The following NR1H4 variants were observed in gnomAD, a reference collection of about 807,000 sequenced individuals.
NR1H4 encodes the protein bile acid receptor.
A neutral mutation model predicts 58.5 loss-of-function variants in NR1H4; 23 were observed. The observed-to-expected ratio is 0.39, with a 90% CI of 0.28 to 0.56. The LOEUF (loss-of-function observed/expected upper bound fraction) is 0.56. Among genes scored for constraint, NR1H4 ranks in the 20% least tolerant of loss-of-function variants. The pLI, the probability that NR1H4 is intolerant of heterozygous loss-of-function variation, is 0.58. For missense variants in NR1H4, 487 were observed against 576.9 expected (o/e 0.84, Z 1.60); for synonymous variants, 214 against 198.0 (o/e 1.08, Z -0.68).
rs767756243 is a variant in NR1H4, at chr12:100,534,887, T to C, written c.599-3T>C. ...GTGAAGTCTCTATGCTTATTTGTTT[T>C]AGGCTTGTTAACTGAAATTCAGTGT... On this transcript the variant is annotated splice_region_variant and splice_polypyrimidine_tract_variant and intron_variant, in intron 5 of 10. Transcript: ENST00000392986. 1.2e-6 allele frequency: 2 copies of C among 1,614,210 alleles called. No individual in the cohort carries two copies. Among genetic ancestry groups the C allele is most frequent in the Admixed American group, 3.3e-5 (2 of 60,030 alleles).
chr12:100,487,072 G>A (rs1174302167), intron 1 of NR1H4, among the ~76,000 whole-genome samples: 1 of 152,248 alleles, frequency 6.6e-6, no homozygotes, highest in South Asian at 2.1e-4. Flanking sequence ...AGCCAATATA[G>A]ATGTAAAGAA....
intron 9 of NR1H4, among the ~76,000 whole-genome samples, chr12:100,560,277 C>T (rs180944705): frequency 2.6e-5 from 4 of 152,192 alleles, no homozygotes; most frequent in Admixed American, 6.5e-5. Flanking sequence ...GCAGGCTGCC[C>T]GAGCCCGCAT....
intron 8 of NR1H4, among the ~76,000 whole-genome samples, chr12:100,537,773 G>C (rs1232211765): frequency 6.6e-6 from 1 of 152,210 alleles, no homozygotes; most frequent in Non-Finnish European, 1.5e-5. Context: ...GAGTGCAATG[G>C]CATGATCTTG....
chr12:100,490,917 A>T (rs1276360866), intron 1 of NR1H4, among the ~76,000 whole-genome samples: 2 of 152,094 alleles, frequency 1.3e-5, no homozygotes, highest in African/African-American at 4.8e-5. Flanking sequence ...CAACTTCCCA[A>T]GTAGCTTGGC....
chr12:100,510,667 A>T, intron 3 of NR1H4, 111 bp from the exon 4 acceptor site: 2 of 887,988 alleles, frequency 2.3e-6, no homozygotes, highest in Non-Finnish European at 1.8e-6. Flanking sequence ...TTATGTAGTT[A>T]AATGTTTCAA....
chr12:100,521,832 ATTTTATACAATTT>A (rs1395192002), intron 4 of NR1H4, among the ~76,000 whole-genome samples: 1 of 152,186 alleles, frequency 6.6e-6, no homozygotes, highest in Non-Finnish European at 1.5e-5. Flanking sequence ...GCAAGGTCTG[ATTTTATACAATTT>A]AATAATGATC....
At chr12:100,506,008 C>G (rs1840880626) in intron 3 of NR1H4, among the ~76,000 whole-genome samples, 2 of 140,262 alleles carry the variant, frequency 1.4e-5, no homozygotes, top group Non-Finnish European at 3.0e-5. Context: ...TTATAACACA[C>G]ACACACACAC....
chr12:100,562,104 A>T (rs1289639504), intron 10 of NR1H4, 106 bp downstream of exon 10: 1 of 663,278 alleles, frequency 1.5e-6, no homozygotes, highest in Non-Finnish European at 2.7e-6. Flanking sequence ...AAGAAAAAGT[A>T]AAGTAGCCTA....
At chr12:100,506,034 CACACACACAGAG>C (rs143923909) in intron 3 of NR1H4, among the ~76,000 whole-genome samples, 3,184 of 140,510 alleles carry the variant, frequency 0.023, 105 homozygotes, top group East Asian at 0.13. Context: ...CACACACACA[CACACACACAGAG>C]AGAGAGAGAG....
intron 4 of NR1H4, among the ~76,000 whole-genome samples, chr12:100,529,522 C>T (rs1272490332): frequency 6.6e-6 from 1 of 152,142 alleles, no homozygotes; most frequent in Non-Finnish European, 1.5e-5. Flanking sequence ...CATTCTGTTC[C>T]TGTTACAACT....
At chr12:100,550,637 A>T (rs529202959) in intron 9 of NR1H4, among the ~76,000 whole-genome samples, 1 of 151,274 alleles carries the variant, frequency 6.6e-6, no homozygotes, top group South Asian at 2.1e-4. Flanking sequence ...AAGTGCTGGG[A>T]TTACAGGTGT....
Position 100,473,924 on chromosome 12 carries a change from T to C in NR1H4, c.-325T>C, listed in dbSNP as rs1953215201. ...GAACTCTCTCCTCCTCCTCACCTCATTGTCTCCCCGACTTATCCTAATGCG... is the reference window on the plus strand; with the variant it reads ...GAACTCTCTCCTCCTCCTCACCTCACTGTCTCCCCGACTTATCCTAATGCG... On this transcript the variant is annotated 5_prime_UTR_variant, in exon 1 of 11. Transcript: ENST00000392986. 1.3e-5 allele frequency: 2 copies of C among 152,258 alleles called. No individual in the cohort carries two copies. The highest frequency in any genetic ancestry group is 2.1e-4 in the South Asian group (1 of 4,826). 9.4% of individuals were successfully genotyped at this position (152,258 alleles called of 1,614,324 possible).
At chr12:100,475,551 A>G (rs531307893) in intron 1 of NR1H4, among the ~76,000 whole-genome samples, 105 of 152,238 alleles carry the variant, frequency 6.9e-4, no homozygotes, top group African/African-American at 2.3e-3. Context: ...GATTGGGCCA[A>G]TTGCAATGGA....
chr12:100,561,605 G>T (rs556279709), intron 9 of NR1H4, among the ~76,000 whole-genome samples: 5 of 152,286 alleles, frequency 3.3e-5, no homozygotes, highest in African/African-American at 1.2e-4. Context: ...CAATTCAAGA[G>T]CATTATCATT....
chr12:100,534,149 T>A (rs112270443), intron 5 of NR1H4, among the ~76,000 whole-genome samples: 12,415 of 152,226 alleles, frequency 0.082, 1,282 homozygotes, highest in African/African-American at 0.24. Context: ...CGCCTCGGCC[T>A]CCCAAAGTGC....
chr12:100,538,928 T>C (rs996319775), intron 8 of NR1H4, among the ~76,000 whole-genome samples: 1 of 152,094 alleles, frequency 6.6e-6, no homozygotes, highest in African/African-American at 2.4e-5. Flanking sequence ...GCAAGCTCAA[T>C]AAAAAACTGG....
At chr12:100,508,347 G>A (rs1353769995) in intron 3 of NR1H4, among the ~76,000 whole-genome samples, 1 of 152,166 alleles carries the variant, frequency 6.6e-6, no homozygotes, top group East Asian at 1.9e-4. Flanking sequence ...CAAGGGTAGA[G>A]TCATGCAGAA....
At chr12:100,546,894 C>A (rs972648169) in intron 9 of NR1H4, among the ~76,000 whole-genome samples, 1 of 152,098 alleles carries the variant, frequency 6.6e-6, no homozygotes, top group African/African-American at 2.4e-5. Context: ...GTCTTTCTTT[C>A]ACCTAAGAAA....
chr12:100,513,422 G>A (rs1215194078), intron 4 of NR1H4, among the ~76,000 whole-genome samples: 1 of 152,176 alleles, frequency 6.6e-6, no homozygotes, highest in South Asian at 2.1e-4. Flanking sequence ...TGGCAGAGCT[G>A]TGGAGATCGA....
Sources: gnomAD v4.1 joint callset for allele counts (sites outside exome capture counted in the v4.1 genomes callset) on GRCh38, gnomAD v4.1.1 for gene constraint, MANE v1.5 for transcripts, NCBI Gene and HGNC (gene_info 2026-07-23, HGNC 2026-07-21) for gene names.